Variants in AADAT observed in about 807,000 individuals in gnomAD.
AADAT encodes the protein kynurenine/alpha-aminoadipate aminotransferase, mitochondrial.
AADAT carries 25 observed loss-of-function variants against 56.2 expected under a neutral mutation model. That is an observed-to-expected ratio of 0.44 (90% confidence interval 0.32 to 0.62). The LOEUF (loss-of-function observed/expected upper bound fraction) is 0.62, where lower values mean the gene tolerates loss of function less well. Ranked by LOEUF, AADAT falls within the 20% of genes least tolerant of loss-of-function variation. The probability of loss-of-function intolerance (pLI) is 0.04; values close to 1 mark genes in which losing one functional copy is unlikely to be tolerated. For missense variants in AADAT, 387 were observed against 510.5 expected (o/e 0.76, Z 2.33); for synonymous variants, 173 against 164.7 (o/e 1.05, Z -0.39).
intron 3 of AADAT, 150 bp from the exon 4 acceptor site, chr4:170,078,733 G>T (rs1732158107): frequency 4.5e-6 from 2 of 447,398 alleles, no homozygotes; most frequent in Admixed American, 4.0e-5. Flanking sequence ...AACACTTTGC[G>T]GGTCATAGTA....
At chr4:170,062,952 T>C (rs1047981447) in intron 11 of AADAT, among the ~76,000 whole-genome samples, 1 of 151,654 alleles carries the variant, frequency 6.6e-6, no homozygotes, top group Non-Finnish European at 1.5e-5. Context: ...TAAATTTCTA[T>C]TGCTTATTAA....
chr4:170,078,194 A>T (rs1449166839), intron 4 of AADAT, among the ~76,000 whole-genome samples: 1 of 152,190 alleles, frequency 6.6e-6, no homozygotes, highest in East Asian at 1.9e-4. Context: ...AAATTTTTGT[A>T]ATTTAAGTTA....
At chr4:170,075,281 G>A (rs1218455466) in intron 4 of AADAT, among the ~76,000 whole-genome samples, 2 of 152,202 alleles carry the variant, frequency 1.3e-5, no homozygotes, top group African/African-American at 4.8e-5. Context: ...TTGAGAAAAA[G>A]TAATTATTTT....
At chr4:170,077,249 G>A (rs1732085164) in intron 4 of AADAT, among the ~76,000 whole-genome samples, 1 of 152,160 alleles carries the variant, frequency 6.6e-6, no homozygotes, top group East Asian at 1.9e-4. Flanking sequence ...CATATCGATA[G>A]GGATTGTATT....
intron 6 of AADAT, 44 bp from the exon 7 acceptor site, chr4:170,069,274 T>G (rs777959548): frequency 1.3e-6 from 2 of 1,491,320 alleles, no homozygotes; most frequent in South Asian, 2.3e-5. Flanking sequence ...GAAAGCTCTG[T>G]TAGTCACTGT....
At chr4:170,092,799 C>T (rs921733472), upstream of AADAT, among the ~76,000 whole-genome samples, 1 of 152,224 alleles carries the variant, frequency 6.6e-6, no homozygotes, top group African/African-American at 2.4e-5. Context: ...GTTGTAAAAA[C>T]GCTATGAACA....
chr4:170,066,422 C>T lies in AADAT; in HGVS notation c.1019G>A (p.Trp340Ter). ...KDAILAAADK[W>*]LTGLAEWHVP... ...ATATACGTTCCACTCACCAGTTAACCACTTGTCTGCAGCTGCCAGTATTGC... is the reference window on the plus strand; with the variant it reads ...ATATACGTTCCACTCACCAGTTAACTACTTGTCTGCAGCTGCCAGTATTGC... Residue 340 changes from tryptophan (W) to a stop codon, truncating the protein, a stop_gained, in exon 10 of 13, where the codon TGG (tryptophan) becomes TAG (stop). Coordinates refer to ENST00000337664, the MANE Select transcript of AADAT (RefSeq NM_016228.4). LOFTEE classifies it high-confidence loss of function. 1 of 1,613,686 alleles carries T rather than the reference C, an allele frequency of 6.2e-7. No individual in the cohort carries two copies. The highest frequency in any genetic ancestry group is 8.5e-7 in the Non-Finnish European group (1 of 1,179,784).
intron 5 of AADAT, among the ~76,000 whole-genome samples, chr4:170,071,929 G>T (rs992926209): frequency 6.6e-6 from 1 of 152,130 alleles, no homozygotes; most frequent in Admixed American, 6.5e-5. Flanking sequence ...AATGTGAGAG[G>T]CTGTAGATCA....
chr4:170,068,359 A>C (rs530989367), intron 8 of AADAT, among the ~76,000 whole-genome samples: 2 of 152,128 alleles, frequency 1.3e-5, no homozygotes, highest in Non-Finnish European at 2.9e-5. Context: ...AGACGGATCC[A>C]ATAATTTCTC....
At chr4:170,079,943 T>C (rs1732210897) in intron 3 of AADAT, among the ~76,000 whole-genome samples, 1 of 152,082 alleles carries the variant, frequency 6.6e-6, no homozygotes, top group Admixed American at 6.6e-5. Context: ...GGAGAGATGT[T>C]TAAGGACTGA....
chr4:170,090,558 C>G (rs529093563), upstream of AADAT: 2 of 152,288 alleles, frequency 1.3e-5, no homozygotes, highest in South Asian at 4.1e-4. Flanking sequence ...AAAAATCACT[C>G]TGAGTCTCTT....
At position 170,081,264 on chromosome 4, in the gene AADAT, C is replaced by T. The variant is rs773135332; in HGVS notation, c.370-2681G>A. On this transcript the variant is annotated intron_variant, in intron 3 of 12. Coordinates refer to ENST00000337664, the MANE Select transcript of AADAT (RefSeq NM_016228.4). ...AAGATTGGCTACGTGAAAATACAGTCGGGGAAAAAAGAAAAAAGAACAAAG... is the reference window on the plus strand; with the variant it reads ...AAGATTGGCTACGTGAAAATACAGTTGGGGAAAAAAGAAAAAAGAACAAAG... Among the ~76,000 whole-genome samples, 5 of 151,752 alleles carry T rather than the reference C, an allele frequency of 3.3e-5. No individual in the cohort carries two copies. The South Asian group carries it at 6.3e-4, about 19-fold the overall frequency.
Position 170,078,564 on chromosome 4 carries a change from T to A in AADAT, c.389A>T (p.Asn130Ile). The A allele has an allele frequency of 6.2e-7, 1 of 1,606,896 alleles. No individual in the cohort carries two copies. The change falls in exon 4 of 13, where the codon AAT (asparagine) becomes ATT (isoleucine). Residue 130 changes from asparagine (N) to isoleucine (I), a missense_variant. Transcript: ENST00000337664. ...GLCKVFEMII[N>I]PGDNVLLDEP... The stretch of plus-strand genomic sequence containing the variant: ...ATCTAGGAGGACATTATCTCCAGGA[T>A]TAATGATCATTTCAAACACCTAACA...
At chr4:170,091,118 C>A (rs184272715), upstream of AADAT, among the ~76,000 whole-genome samples, 567 of 152,378 alleles carry the variant, frequency 3.7e-3, 6 homozygotes, top group Non-Finnish European at 5.6e-3. Flanking sequence ...GGCCTCAGCG[C>A]TCACTCTGAC....
chr4:170,091,192 G>T (rs1174190976), upstream of AADAT, among the ~76,000 whole-genome samples: 1 of 152,206 alleles, frequency 6.6e-6, no homozygotes, highest in East Asian at 1.9e-4. Flanking sequence ...GATAGCGGAG[G>T]CCGGAGCCGG....
At chr4:170,077,554 T>G (rs1732098221) in intron 4 of AADAT, among the ~76,000 whole-genome samples, 1 of 152,224 alleles carries the variant, frequency 6.6e-6, no homozygotes, top group Admixed American at 6.5e-5. Context: ...TTGGAATCAA[T>G]AGAGCATAAA....
intron 2 of AADAT, among the ~76,000 whole-genome samples, chr4:170,087,841 G>C (rs1329997405): frequency 6.6e-6 from 1 of 151,732 alleles, no homozygotes; most frequent in Admixed American, 6.6e-5. Context: ...AGAAATTAAA[G>C]ACATTTGAAC....
Position 170,064,734 on chromosome 4 carries a change from CT to C in AADAT, c.1118del (p.Lys373ArgfsTer8). 1 of 1,606,812 alleles carries C rather than the reference CT, an allele frequency of 6.2e-7. No homozygotes were observed. The highest frequency in any genetic ancestry group is 8.5e-7 in the Non-Finnish European group (1 of 1,178,464). ...CCAGTTTTACCCCCATCTTAACGGCCTTTTCTTCAATCAGTTCTTTTACATC... is the reference window on the plus strand; with the variant it reads ...CCAGTTTTACCCCCATCTTAACGGCCTTTCTTCAATCAGTTCTTTTACATC... The part of the protein sequence containing the change: ...INDVKELIEE[K>X]AVKMGVLMLP... On this transcript the variant is annotated frameshift_variant, in exon 11 of 13. Coordinates refer to ENST00000337664, the MANE Select transcript of AADAT (RefSeq NM_016228.4). LOFTEE classifies it high-confidence loss of function.
intron 4 of AADAT, among the ~76,000 whole-genome samples, chr4:170,077,899 T>A (rs546385466): frequency 5.3e-5 from 8 of 152,338 alleles, no homozygotes; most frequent in South Asian, 2.1e-4. Flanking sequence ...CATCATATGA[T>A]ATGGCTTCCA....
Sources: allele counts gnomAD v4.1 joint callset (sites outside exome capture counted in the v4.1 genomes callset), GRCh38; gene constraint gnomAD v4.1.1; transcripts MANE v1.5; gene names NCBI Gene and HGNC (gene_info 2026-07-23, HGNC 2026-07-21).